SPAG17: variants seen among roughly 807,000 people sequenced by gnomAD.
The protein encoded by SPAG17 is sperm associated antigen 17, also known as sperm-associated antigen 17.
In SPAG17, 169 loss-of-function variants were observed where a neutral mutation model predicts 273.6. The ratio of observed to expected loss-of-function variants is 0.62; its 90% CI spans 0.55 to 0.70. The LOEUF (loss-of-function observed/expected upper bound fraction) is 0.70, where lower values mean the gene tolerates loss of function less well. Ranked by LOEUF, SPAG17 falls within the 30% of genes least tolerant of loss-of-function variation. SPAG17 has a pLI of 0.00. For missense variants in SPAG17, 2,557 were observed against 2,627.8 expected, an observed-to-expected ratio of 0.97 and a Z score of 0.59; for synonymous variants, 825 against 873.2, an observed-to-expected ratio of 0.94 and a Z score of 0.97.
At chr1:118,079,359 TC>T (rs1475259437) in intron 15 of SPAG17, among the ~76,000 whole-genome samples, 1 of 152,118 alleles carries the variant, frequency 6.6e-6, no homozygotes, top group Non-Finnish European at 1.5e-5. Flanking sequence ...GTTTATATTA[TC>T]TTGCAATCTT....
intron 32 of SPAG17, among the ~76,000 whole-genome samples, chr1:118,004,480 C>T (rs1042174571): frequency 6.6e-6 from 1 of 152,254 alleles, no homozygotes; most frequent in Non-Finnish European, 1.5e-5. Context: ...CCATTTCGAG[C>T]TTCCTGGCTG....
chr1:118,068,504 GT>G (rs1371470724), intron 17 of SPAG17, among the ~76,000 whole-genome samples: 1 of 152,006 alleles, frequency 6.6e-6, no homozygotes, highest in Non-Finnish European at 1.5e-5. Context: ...AAATCTTTGG[GT>G]TTTCATATTG....
At chr1:118,068,046 T>C (rs1157365391) in intron 17 of SPAG17, among the ~76,000 whole-genome samples, 1 of 152,094 alleles carries the variant, frequency 6.6e-6, no homozygotes, top group Admixed American at 6.6e-5. Context: ...GAAAAATAAA[T>C]TAGACAGCTG....
intron 4 of SPAG17, among the ~76,000 whole-genome samples, chr1:118,105,118 A>AT (rs1317582733): frequency 6.6e-6 from 1 of 152,290 alleles, no homozygotes; most frequent in East Asian, 1.9e-4. Context: ...GAACAACAGG[A>AT]AGAGGCTGGG....
chr1:118,028,493 A>G (rs1648046349), intron 25 of SPAG17, 99 bp from the exon 26 acceptor site: 2 of 1,472,894 alleles, frequency 1.4e-6, no homozygotes, highest in African/African-American at 1.4e-5. Context: ...TCAGGACATG[A>G]CTTGCACAGA....
chr1:118,147,734 A>T (rs545692703), intron 3 of SPAG17, among the ~76,000 whole-genome samples: 2 of 152,250 alleles, frequency 1.3e-5, no homozygotes, highest in Non-Finnish European at 2.9e-5. Flanking sequence ...TGTGTACACA[A>T]CACCATGCCA....
In SPAG17 at chr1:118,031,796, T is replaced by C. The variant is rs1443986777; in HGVS notation, c.3505A>G (p.Ile1169Val). The C allele has an allele frequency of 6.2e-7, 1 of 1,613,748 alleles. No individual in the cohort carries two copies. Among genetic ancestry groups the C allele is most frequent in the East Asian group, 2.2e-5 (1 of 44,818 alleles). Residue 1169 changes from isoleucine (I) to valine (V), a missense_variant, in exon 25 of 49, where the codon ATA becomes GTA. By Grantham distance (29) the Ile-to-Val change is conservative. Coordinates refer to ENST00000336338, the MANE Select transcript of SPAG17 (RefSeq NM_206996.4). ...GCTTTGCTTTGAGGAACGGTCACTA[T>C]AACAGGAACCACTGTTGGAGTGAGT... Reference protein sequence around the residue: ...SALTPTVVPVIVTVPQSKAKG... With the variant: ...SALTPTVVPVVVTVPQSKAKG...
At chr1:118,027,427 G>A (rs1647880358) in intron 26 of SPAG17, among the ~76,000 whole-genome samples, 1 of 152,116 alleles carries the variant, frequency 6.6e-6, no homozygotes, top group Admixed American at 6.6e-5. Flanking sequence ...GTATACATAA[G>A]GGAATTATAT....
At chr1:118,167,572 T>C (rs1271023316) in intron 1 of SPAG17, among the ~76,000 whole-genome samples, 2 of 152,240 alleles carry the variant, frequency 1.3e-5, no homozygotes, top group South Asian at 4.1e-4. Flanking sequence ...TTAAAAACTA[T>C]TCACACAAAA....
chr1:118,099,782 C>T lies in SPAG17; in HGVS notation c.653G>A (p.Gly218Asp). The T allele has an allele frequency of 6.2e-7, 1 of 1,612,442 alleles. No homozygotes were observed. The highest frequency in any genetic ancestry group is 1.1e-5 in the South Asian group (1 of 90,994). Reference sequence around the variant, plus strand: ...CACAACTATAATGTAATGTTGGGCACCATCATCTGGCTCATCGTCTGTTCA... The same window carrying T: ...CACAACTATAATGTAATGTTGGGCATCATCATCTGGCTCATCGTCTGTTCA... Reference protein sequence around the residue: ...NRYIDDEPDDGAQHYIIVVGF... With the variant: ...NRYIDDEPDDDAQHYIIVVGF... The change falls in exon 6 of 49, where the codon GGT becomes GAT. Residue 218 changes from glycine to aspartate, a missense_variant. Transcript: ENST00000336338.
intron 32 of SPAG17, among the ~76,000 whole-genome samples, chr1:117,999,845 A>G (rs1348832199): frequency 3.3e-5 from 5 of 152,094 alleles, no homozygotes; most frequent in South Asian, 4.1e-4. Context: ...TCATTTGTCT[A>G]TTTTGGCTTT....
chr1:118,089,274 G>A (rs1655212150), intron 10 of SPAG17, among the ~76,000 whole-genome samples: 2 of 150,132 alleles, frequency 1.3e-5, no homozygotes, highest in African/African-American at 2.5e-5. Flanking sequence ...TAGAGTAAAA[G>A]GTTAAGATAG....
chr1:118,103,801 A>G (rs183361790), intron 4 of SPAG17, among the ~76,000 whole-genome samples: 1 of 151,178 alleles, frequency 6.6e-6, no homozygotes, highest in Admixed American at 6.6e-5. Context: ...CGAAGATCTC[A>G]AAGGCAAGAG....
chr1:118,018,596 G>A (rs1230290249), intron 28 of SPAG17, among the ~76,000 whole-genome samples: 1 of 151,732 alleles, frequency 6.6e-6, no homozygotes, highest in East Asian at 1.9e-4. Context: ...ATTTTGGGAG[G>A]CCAAGGTAGG....
Position 117,981,367 on chromosome 1 carries a change from G to A in SPAG17, c.5907C>T (p.Ser1969=), listed in dbSNP as rs1339095933. Reference sequence around the variant, plus strand: ...GTTTTGGAAGACTAGGCACACTTGAGGATTTCTGTTCTGAAACCTTATGTG... The same window carrying A: ...GTTTTGGAAGACTAGGCACACTTGAAGATTTCTGTTCTGAAACCTTATGTG... ...FKPHKVSEQK[S]SSVPSLPKPE... Residue 1969 remains serine (S), a synonymous_variant, in exon 43 of 49, where the codon TCC becomes TCT. Coordinates refer to ENST00000336338, the MANE Select transcript of SPAG17 (RefSeq NM_206996.4). 2.5e-6 allele frequency: 4 copies of A among 1,600,400 alleles called. No individual in the cohort carries two copies. In the South Asian group the frequency reaches 4.6e-5, roughly 18 times the overall value.
chr1:118,174,509 G>A (rs1171504192), intron 1 of SPAG17, among the ~76,000 whole-genome samples: 3 of 152,164 alleles, frequency 2.0e-5, no homozygotes, highest in South Asian at 2.1e-4. Context: ...ACCAGTAGAT[G>A]CATATGGAAA....
At chr1:118,004,896 C>T (rs1235859474) in intron 32 of SPAG17, among the ~76,000 whole-genome samples, 6 of 152,304 alleles carry the variant, frequency 3.9e-5, no homozygotes, top group South Asian at 2.1e-4. Flanking sequence ...TCTTCTGTGT[C>T]GATCACACTG....
Position 118,066,731 on chromosome 1 carries a change from T to G in SPAG17, c.2540+14A>C, listed in dbSNP as rs1253110521. 6.2e-7 allele frequency: 1 copy of G among 1,604,098 alleles called. No homozygotes were observed. Among genetic ancestry groups the G allele is most frequent in the East Asian group, 2.2e-5 (1 of 44,784 alleles). On this transcript the variant is annotated intron_variant, in intron 18 of 48. Transcript: ENST00000336338. ...CCCAACTAACTAATTAACTAAACTT[T>G]CCAAATTTGTTACCTGAATCCAACA...
chr1:117,999,105 T>C lies in SPAG17; in HGVS notation c.4777-2362A>G, dbSNP rs548415449. On this transcript the variant is annotated intron_variant, in intron 32 of 48. Transcript: ENST00000336338. The stretch of plus-strand genomic sequence containing the variant: ...GTTTTGTTTTCTGTCCTTGTGACAG[T>C]TTTCTGAGAATGATGTTTCCAGTTT... 3.2e-4 allele frequency among the ~76,000 whole-genome samples: 48 copies of C among 152,154 alleles called. 1 individual carries two copies. Among genetic ancestry groups the C allele is most frequent in the Non-Finnish European group, 4.7e-4 (32 of 68,012 alleles).
Sources: allele counts gnomAD v4.1 joint callset (sites outside exome capture counted in the v4.1 genomes callset), GRCh38; gene constraint gnomAD v4.1.1; transcripts MANE v1.5; gene names NCBI Gene and HGNC (gene_info 2026-07-23, HGNC 2026-07-21).